CSMD1: variants seen among roughly 807,000 people sequenced by gnomAD.
CSMD1 encodes the protein CUB and Sushi multiple domains 1, also known as CUB and sushi domain-containing protein 1.
Under a neutral mutation model 417.5 loss-of-function variants are expected in CSMD1, and 213 were observed. That is an observed-to-expected ratio of 0.51 (90% CI 0.46 to 0.57). The LOEUF (loss-of-function observed/expected upper bound fraction) is 0.57, where lower values mean the gene tolerates loss of function less well. Among genes scored for constraint, CSMD1 ranks in the 20% least tolerant of loss-of-function variants. The pLI, the probability that CSMD1 is intolerant of heterozygous loss-of-function variation, is 0.00. For missense variants in CSMD1, 6,923 were observed against 4,529.7 expected (o/e 1.53, Z -15.17); for synonymous variants, 2,862 against 1,736.8 (o/e 1.65, Z -16.11).
At chr8:3,356,356 C>A (rs74808117) in intron 21 of CSMD1, among the ~76,000 whole-genome samples, 1 of 152,320 alleles carries the variant, frequency 6.6e-6, no homozygotes, top group African/African-American at 2.4e-5. Context: ...AAGGAGCCAG[C>A]AGTCTGAGGA....
At chr8:3,192,962 G>C (rs1796507154) in intron 33 of CSMD1, among the ~76,000 whole-genome samples, 1 of 151,954 alleles carries the variant, frequency 6.6e-6, no homozygotes, top group Admixed American at 6.6e-5. Flanking sequence ...ATCCCATAGA[G>C]GCTTCCACAG....
chr8:4,068,980 G>A (rs1047584924), intron 3 of CSMD1, among the ~76,000 whole-genome samples: 4 of 151,870 alleles, frequency 2.6e-5, no homozygotes, highest in Non-Finnish European at 2.9e-5. Flanking sequence ...TTGTTCAAAC[G>A]TTGAATGGCT....
intron 3 of CSMD1, among the ~76,000 whole-genome samples, chr8:4,206,429 T>C (rs1369146802): frequency 6.6e-6 from 1 of 151,960 alleles, no homozygotes; most frequent in Non-Finnish European, 1.5e-5. Context: ...ACTGAGAACA[T>C]GCGGTGTTTG....
chr8:3,701,731 A>T (rs1800882637), intron 7 of CSMD1, among the ~76,000 whole-genome samples: 1 of 152,186 alleles, frequency 6.6e-6, no homozygotes, highest in Admixed American at 6.5e-5. Flanking sequence ...AACACTCTAC[A>T]GTTATAATTA....
At chr8:3,161,032 T>C (rs1453293776) in intron 38 of CSMD1, among the ~76,000 whole-genome samples, 1 of 152,230 alleles carries the variant, frequency 6.6e-6, no homozygotes, top group Non-Finnish European at 1.5e-5. Context: ...CCTATCAGTG[T>C]CAGTGTCATT....
At chr8:4,233,149 A>T (rs1181838178) in intron 3 of CSMD1, among the ~76,000 whole-genome samples, 1 of 152,226 alleles carries the variant, frequency 6.6e-6, no homozygotes, top group Non-Finnish European at 1.5e-5. Flanking sequence ...TTCAAGAACA[A>T]TGACATGCAT....
At chr8:4,325,170 A>G (rs1018465754) in intron 3 of CSMD1, among the ~76,000 whole-genome samples, 11 of 152,288 alleles carry the variant, frequency 7.2e-5, no homozygotes, top group Admixed American at 2.6e-4. Context: ...GAGGAGAAAA[A>G]TAAATATAAC....
intron 46 of CSMD1, among the ~76,000 whole-genome samples, chr8:3,099,485 C>G (rs762052718): frequency 2.6e-5 from 4 of 152,036 alleles, no homozygotes; most frequent in African/African-American, 7.2e-5. Flanking sequence ...CTTATACTAA[C>G]AAAAAAATGC....
chr8:3,960,011 A>G lies in CSMD1; in HGVS notation c.818+37892T>C, dbSNP rs1190569558. Reference sequence around the variant, plus strand: ...TTAATCACAGTATGTGCGTGAAGCTATTTCAAGCCTTTGCAAGGAGCCTTC... The same window carrying G: ...TTAATCACAGTATGTGCGTGAAGCTGTTTCAAGCCTTTGCAAGGAGCCTTC... On this transcript the variant is annotated intron_variant, in intron 5 of 69. Coordinates refer to ENST00000635120, the MANE Select transcript of CSMD1 (RefSeq NM_033225.6). 1.3e-5 allele frequency among the ~76,000 whole-genome samples: 2 copies of G among 152,210 alleles called. 1 individual carries two copies. Among genetic ancestry groups the G allele is most frequent in the African/African-American group, 4.8e-5 (2 of 41,462 alleles).
chr8:3,537,854 T>C (rs1243010033), intron 10 of CSMD1, among the ~76,000 whole-genome samples: 1 of 152,230 alleles, frequency 6.6e-6, no homozygotes, highest in Non-Finnish European at 1.5e-5. Flanking sequence ...TACTTCTAAA[T>C]TAATTCAGGA....
At chr8:3,158,336 G>C (rs1160960362) in intron 38 of CSMD1, among the ~76,000 whole-genome samples, 9 of 151,980 alleles carry the variant, frequency 5.9e-5, no homozygotes, top group African/African-American at 2.2e-4. Flanking sequence ...AAAACAATTA[G>C]AAAGTACTAG....
intron 5 of CSMD1, among the ~76,000 whole-genome samples, chr8:3,947,079 T>C (rs964009615): frequency 2.0e-5 from 3 of 152,216 alleles, no homozygotes; most frequent in African/African-American, 7.2e-5. Flanking sequence ...TGAATAGTTG[T>C]AAAAGTGGAT....
intron 3 of CSMD1, among the ~76,000 whole-genome samples, chr8:4,153,038 C>T (rs1796652685): frequency 6.6e-6 from 1 of 152,096 alleles, no homozygotes; most frequent in Non-Finnish European, 1.5e-5. Context: ...TGTAAAATGA[C>T]TTGTAACGTG....
chr8:3,880,615 A>G (rs1263050659), intron 5 of CSMD1, among the ~76,000 whole-genome samples: 4 of 152,220 alleles, frequency 2.6e-5, no homozygotes, highest in East Asian at 1.9e-4. Context: ...TGGATTCTCC[A>G]TTTTAAATCT....
At chr8:4,507,538 A>G (rs1460540411) in intron 2 of CSMD1, among the ~76,000 whole-genome samples, 1 of 152,202 alleles carries the variant, frequency 6.6e-6, no homozygotes, top group Non-Finnish European at 1.5e-5. Context: ...AAAATGACAT[A>G]GAAGTATTCA....
chr8:4,518,991 T>C (rs1248169426), intron 2 of CSMD1, among the ~76,000 whole-genome samples: 1 of 152,130 alleles, frequency 6.6e-6, no homozygotes, highest in Non-Finnish European at 1.5e-5. Flanking sequence ...ACTTTCTCTT[T>C]TGCTGCACTA....
intron 11 of CSMD1, among the ~76,000 whole-genome samples, chr8:3,488,794 G>C (rs941866186): frequency 3.9e-5 from 6 of 152,132 alleles, no homozygotes; most frequent in Admixed American, 2.6e-4. Context: ...TACTGTCACT[G>C]GCATTCAGGC....
At chr8:3,784,380 A>G (rs981717625) in intron 5 of CSMD1, among the ~76,000 whole-genome samples, 1 of 152,168 alleles carries the variant, frequency 6.6e-6, no homozygotes, top group African/African-American at 2.4e-5. Context: ...GAGAAATCAC[A>G]CGATTCTTCA....
chr8:4,739,004 T>C (rs1253973725), intron 1 of CSMD1, among the ~76,000 whole-genome samples: 1 of 151,990 alleles, frequency 6.6e-6, no homozygotes, highest in Non-Finnish European at 1.5e-5. Context: ...AAGTCTTCCA[T>C]GCTAAAACAA....
Sources: allele counts gnomAD v4.1 joint callset (sites outside exome capture counted in the v4.1 genomes callset), GRCh38; gene constraint gnomAD v4.1.1; transcripts MANE v1.5; gene names NCBI Gene and HGNC (gene_info 2026-07-23, HGNC 2026-07-21).